The following THADA variants were observed in gnomAD, a reference collection of about 807,000 sequenced individuals.
THADA encodes the protein tRNA (32-2'-O)-methyltransferase regulator THADA.
Under a neutral mutation model 219.8 loss-of-function variants are expected in THADA, and 213 were observed. The ratio of observed to expected loss-of-function variants is 0.97; its 90% CI spans 0.87 to 1.09. The LOEUF is 1.09. Among genes scored for constraint, THADA ranks in the 50% least tolerant of loss-of-function variants. The pLI is 0.00. For synonymous variants in THADA, 1,018 were observed against 828.9 expected, an observed-to-expected ratio of 1.23 and a Z score of -3.92; for missense variants, 2,956 against 2,311.3, an observed-to-expected ratio of 1.28 and a Z score of -5.72.
At chr2:43,366,663 T>C (rs1219632155) in intron 29 of THADA, among the ~76,000 whole-genome samples, 2 of 152,202 alleles carry the variant, frequency 1.3e-5, no homozygotes, top group East Asian at 3.8e-4. Context: ...CCAATGAAGT[T>C]ACCATCTAAG....
chr2:43,594,891 C>T (rs1237465654), intron 1 of THADA, among the ~76,000 whole-genome samples: 1 of 152,192 alleles, frequency 6.6e-6, no homozygotes, highest in Non-Finnish European at 1.5e-5. Flanking sequence ...CTCACCAATA[C>T]AACACACGTA....
intron 36 of THADA, among the ~76,000 whole-genome samples, chr2:43,266,329 C>T (rs1386976280): frequency 3.3e-5 from 5 of 152,212 alleles, no homozygotes; most frequent in Non-Finnish European, 5.9e-5. Flanking sequence ...TGGTGGCTCA[C>T]GCCTGTGATC....
chr2:43,268,675 G>A (rs188827941), intron 36 of THADA, among the ~76,000 whole-genome samples: 25 of 152,298 alleles, frequency 1.6e-4, no homozygotes, highest in African/African-American at 5.8e-4. Context: ...TGAGGGAGGG[G>A]TCGCCACCGT....
chr2:43,250,921 C>T (rs1669746557), intron 36 of THADA, among the ~76,000 whole-genome samples: 1 of 152,014 alleles, frequency 6.6e-6, no homozygotes, highest in South Asian at 2.1e-4. Context: ...GATGCATTCT[C>T]CAAAGACTAA....
At chr2:43,305,090 A>C (rs1676701659) in intron 31 of THADA, among the ~76,000 whole-genome samples, 1 of 152,194 alleles carries the variant, frequency 6.6e-6, no homozygotes, top group Admixed American at 6.5e-5. Context: ...ATGGTGGATA[A>C]ACTGGTTCTA....
chr2:43,287,880 G>C (rs367790482), intron 34 of THADA, among the ~76,000 whole-genome samples: 3 of 152,304 alleles, frequency 2.0e-5, no homozygotes, highest in African/African-American at 7.2e-5. Flanking sequence ...GCACTTTCAA[G>C]TCATGCCTTA....
chr2:43,407,937 G>C (rs6544655), intron 28 of THADA, among the ~76,000 whole-genome samples: 38,427 of 151,950 alleles, frequency 0.25, 5,024 homozygotes, highest in South Asian at 0.33. Context: ...TTTTTGTTGT[G>C]ATAATGAATG....
In THADA at chr2:43,400,457, T is replaced by TTATATATATATATATATATATATA. The variant is rs539798216; in HGVS notation, c.4059-2319_4059-2318insTATATATATATATATATATATATA. Among the ~76,000 whole-genome samples the TTATATATATATATATATATATATA allele has an allele frequency of 6.2e-3, 553 of 89,636 alleles. 9 individuals are homozygous for TTATATATATATATATATATATATA. The highest frequency in any genetic ancestry group is 9.2e-3 in the Non-Finnish European group (347 of 37,542). The allele number at this position is 89,636 out of a possible 152,430, so 58.8% of individuals were successfully genotyped here. On this transcript the variant is annotated intron_variant, in intron 28 of 37. Coordinates refer to ENST00000405975, the MANE Select transcript of THADA (RefSeq NM_022065.5). ...TGGAAAGATTAGATCATAGACAAAT[T>TTATATATATATATATATATATATA]TATATATATATATATATATAAATAT...
chr2:43,439,592 C>T (rs967007986), intron 26 of THADA, among the ~76,000 whole-genome samples: 2 of 69,252 alleles, frequency 2.9e-5, no homozygotes, highest in African/African-American at 1.2e-4. Context: ...CCCCAAAGCA[C>T]AAGAGTGTGA....
intron 28 of THADA, among the ~76,000 whole-genome samples, chr2:43,399,718 C>G (rs1674556473): frequency 6.6e-6 from 1 of 152,106 alleles, no homozygotes; most frequent in Admixed American, 6.5e-5. Context: ...GTTCCCACAA[C>G]TCATCCTGGA....
At chr2:43,474,276 T>C in intron 26 of THADA, among the ~76,000 whole-genome samples, 1 of 152,118 alleles carries the variant, frequency 6.6e-6, no homozygotes, top group Middle Eastern at 3.2e-3. Context: ...AGGATGTGTG[T>C]TTTAAGACTG....
At chr2:43,565,170 G>C (rs985490593) in intron 15 of THADA, 2 of 152,188 alleles carry the variant, frequency 1.3e-5, no homozygotes, top group Non-Finnish European at 2.9e-5. Flanking sequence ...AGGTGCGGTG[G>C]CTCACACCTG....
intron 30 of THADA, among the ~76,000 whole-genome samples, chr2:43,321,130 T>A (rs952330350): frequency 6.6e-6 from 1 of 152,168 alleles, no homozygotes; most frequent in Non-Finnish European, 1.5e-5. Flanking sequence ...ATAGTAGAAA[T>A]AGTAAGTGGG....
At chr2:43,316,934 A>G (rs1449338185) in intron 31 of THADA, among the ~76,000 whole-genome samples, 1 of 152,246 alleles carries the variant, frequency 6.6e-6, no homozygotes, top group East Asian at 1.9e-4. Flanking sequence ...TGTCAACAAA[A>G]AAATATTAAT....
intron 26 of THADA, chr2:43,430,690 C>T (rs770181130): frequency 1.6e-4 from 75 of 455,208 alleles, no homozygotes; most frequent in African/African-American, 1.2e-3. Flanking sequence ...CTAGAACAAG[C>T]GTTCCCAACC....
At chr2:43,552,492 C>T (rs1696865640) in intron 17 of THADA, among the ~76,000 whole-genome samples, 153 bp from the exon 18 acceptor site, 1 of 152,138 alleles carries the variant, frequency 6.6e-6, no homozygotes, top group Admixed American at 6.6e-5. Flanking sequence ...GGTTATCCAA[C>T]AGGGTGGCTC....
intron 29 of THADA, among the ~76,000 whole-genome samples, chr2:43,356,422 T>G (rs1347976490): frequency 1.3e-5 from 2 of 152,006 alleles, no homozygotes; most frequent in African/African-American, 4.8e-5. Flanking sequence ...TAGGGGAAAA[T>G]AAGATGTATA....
chr2:43,513,562 C>T (rs1690775672), intron 22 of THADA, among the ~76,000 whole-genome samples: 1 of 152,116 alleles, frequency 6.6e-6, no homozygotes, highest in Non-Finnish European at 1.5e-5. Flanking sequence ...GCACAGGGGG[C>T]CTCTGAATCA....
rs146912753 is a variant in THADA at position 43,292,164 on chromosome 2, C to G, written c.4877G>C (p.Cys1626Ser). The G allele has an allele frequency of 5.6e-6, 9 of 1,612,388 alleles. 1 individual carries two copies. The South Asian group carries it at 8.8e-5, about 16-fold the overall frequency. ...GAACTCCTTTGGGGTCAGATGGACA[C>G]AGTGCTCCGTCTGGGGAAGCCACTC... ...PGEWLPQTEH[C>S]VHLTPKEFLI... The change falls in exon 33 of 38, where the codon TGT (cysteine) becomes TCT (serine). Residue 1626 changes from cysteine (C) to serine (S), a missense_variant. Physicochemically the swap from Cys to Ser is moderately radical, Grantham distance 112 (BLOSUM62 -1). Coordinates refer to ENST00000405975, the MANE Select transcript of THADA (RefSeq NM_022065.5).
Sources: gnomAD v4.1 joint callset for allele counts (sites outside exome capture counted in the v4.1 genomes callset) on GRCh38, gnomAD v4.1.1 for gene constraint, MANE v1.5 for transcripts, NCBI Gene and HGNC (gene_info 2026-07-23, HGNC 2026-07-21) for gene names.